Variants in IGF2R observed in about 807,000 individuals in gnomAD.
IGF2R encodes the protein cation-independent mannose-6-phosphate receptor.
In IGF2R, 91 loss-of-function variants were observed where a neutral mutation model predicts 270.6. That is an observed-to-expected ratio of 0.34 (90% confidence interval 0.28 to 0.40). The LOEUF (loss-of-function observed/expected upper bound fraction) is 0.40, where lower values mean the gene tolerates loss of function less well. Among genes scored for constraint, IGF2R ranks in the 10% least tolerant of loss-of-function variants. The pLI is 1.00. For missense variants in IGF2R, 2,805 were observed against 3,188.3 expected (o/e 0.88, Z 2.90); for synonymous variants, 1,316 against 1,258.9 (o/e 1.05, Z -0.96).
chr6:160,099,748 G>T (rs574059548), intron 45 of IGF2R, among the ~76,000 whole-genome samples: 1 of 152,324 alleles, frequency 6.6e-6, no homozygotes, highest in East Asian at 1.9e-4. Flanking sequence ...GAAGGTTGCA[G>T]TTTGAAGGAA....
chr6:160,102,198 G>A lies in IGF2R; in HGVS notation c.6843-321G>A, dbSNP rs549726155. On this transcript the variant is annotated intron_variant, in intron 45 of 47. Transcript: ENST00000356956. The surrounding 1 kb of genome is among the most constrained non-coding windows in gnomAD (Gnocchi z 4.5). ...GCCTCTGCCCCAGCCTAGTCCTGCC[G>A]TGGATTGGGCCACCTAGAGGGGGCC... Among the ~76,000 whole-genome samples, 3 of 152,328 alleles carry A rather than the reference G, an allele frequency of 2.0e-5. No individual in the cohort carries two copies. The highest frequency in any genetic ancestry group is 2.1e-4 in the South Asian group (1 of 4,828).
chr6:160,020,330 T>C (rs1180061238), intron 4 of IGF2R, among the ~76,000 whole-genome samples: 1 of 152,194 alleles, frequency 6.6e-6, no homozygotes, highest in Non-Finnish European at 1.5e-5. Context: ...ACATCCCATG[T>C]TCATGAATTG....
intron 15 of IGF2R, 53 bp downstream of exon 15, chr6:160,046,698 A>G: frequency 6.4e-7 from 1 of 1,572,486 alleles, no homozygotes; most frequent in Non-Finnish European, 8.6e-7. Context: ...GCTAAGAAAT[A>G]TTATTTTCAG....
At chr6:160,087,597 G>A (rs8191922) in intron 41 of IGF2R, among the ~76,000 whole-genome samples, 58 of 152,326 alleles carry the variant, frequency 3.8e-4, no homozygotes, top group Non-Finnish European at 6.9e-4. Context: ...AACCTTTAGG[G>A]AGCCCAAAAT....
At chr6:160,040,821 G>A in intron 11 of IGF2R, 97 bp downstream of exon 11, 1 of 1,286,138 alleles carries the variant, frequency 7.8e-7, no homozygotes, top group African/African-American at 1.5e-5. Context: ...TTCTTTGTCA[G>A]TGGGTTGCGT....
chr6:160,046,353 G>T, intron 14 of IGF2R, 145 bp from the exon 15 acceptor site: 1 of 694,956 alleles, frequency 1.4e-6, no homozygotes, highest in South Asian at 2.1e-5. Flanking sequence ...GCCTCAAGGG[G>T]CAGCGTCTCT....
chr6:160,015,941 A>G (rs138218904), intron 4 of IGF2R, among the ~76,000 whole-genome samples: 66 of 152,100 alleles, frequency 4.3e-4, no homozygotes, highest in African/African-American at 1.5e-3. Context: ...CTCCCACTTC[A>G]CCTTCTGCCG....
chr6:160,065,637 G>A (rs555188307), intron 29 of IGF2R, among the ~76,000 whole-genome samples: 1 of 151,812 alleles, frequency 6.6e-6, no homozygotes, highest in African/African-American at 2.4e-5. Flanking sequence ...TACTGGATGG[G>A]AAATGTCCTC....
At chr6:160,001,391 C>G (rs532099275) in intron 2 of IGF2R, among the ~76,000 whole-genome samples, 2 of 151,882 alleles carry the variant, frequency 1.3e-5, no homozygotes, top group African/African-American at 4.8e-5. Flanking sequence ...AAAACAAGCT[C>G]GGGGCTTCCA....
intron 38 of IGF2R, 61 bp downstream of exon 38, chr6:160,079,848 A>G (rs1778939172): frequency 7.2e-7 from 1 of 1,389,516 alleles, no homozygotes; most frequent in South Asian, 1.6e-5. Context: ...AATTAGACAT[A>G]GCAGCAGAAA....
intron 19 of IGF2R, among the ~76,000 whole-genome samples, chr6:160,056,117 T>C (rs1252166849): frequency 6.6e-6 from 1 of 152,164 alleles, no homozygotes; most frequent in African/African-American, 2.4e-5. Context: ...CATTCAACTT[T>C]TTGTGTAGGG....
chr6:160,040,782 T>C, intron 11 of IGF2R, 58 bp downstream of exon 11: 2 of 1,518,200 alleles, frequency 1.3e-6, no homozygotes, highest in Non-Finnish European at 9.0e-7. Context: ...CATTTTCCCA[T>C]GAGTACTTTT....
At chr6:160,099,770 C>T (rs1019174180) in intron 45 of IGF2R, among the ~76,000 whole-genome samples, 1 of 152,302 alleles carries the variant, frequency 6.6e-6, no homozygotes, top group South Asian at 2.1e-4. Context: ...CTGTCAGCGA[C>T]CCTATGAGGA....
chr6:160,070,227 G>A (rs1234782884), intron 31 of IGF2R, among the ~76,000 whole-genome samples, 169 bp downstream of exon 31: 1 of 152,218 alleles, frequency 6.6e-6, no homozygotes, highest in Non-Finnish European at 1.5e-5. Flanking sequence ...CCTGCAATCT[G>A]GGGAACCCTC....
intron 1 of IGF2R, among the ~76,000 whole-genome samples, chr6:159,982,083 C>T (rs990254889): frequency 3.3e-5 from 5 of 152,180 alleles, no homozygotes; most frequent in Non-Finnish European, 7.4e-5. Context: ...GCCTTCAGCT[C>T]GGGGTAGGAG....
Position 160,084,892 on chromosome 6 carries a change from G to C in IGF2R, c.6069-103G>C. 1 of 1,122,046 alleles carries C rather than the reference G, an allele frequency of 8.9e-7. No individual in the cohort carries two copies. The highest frequency in any genetic ancestry group is 1.3e-6 in the Non-Finnish European group (1 of 784,070). The allele number at this position is 1,122,046 out of a possible 1,614,324, so 69.5% of individuals were successfully genotyped here. ...ATTCAGTGATGGAATGGAGCCCTTA[G>C]TTATCAGAACCTTTCTCTGAAAGTA... On this transcript the variant is annotated intron_variant, in intron 40 of 47. Transcript: ENST00000356956. The surrounding 1 kb of genome is among the most constrained non-coding windows in gnomAD (Gnocchi z 4.6).
chr6:160,049,229 A>T (rs909101333), intron 18 of IGF2R, among the ~76,000 whole-genome samples: 2 of 152,110 alleles, frequency 1.3e-5, no homozygotes, highest in Non-Finnish European at 2.9e-5. Flanking sequence ...TGTGTTCTTT[A>T]CTGGAGCAAT....
At chr6:160,025,708 T>C (rs1180957850) in intron 5 of IGF2R, among the ~76,000 whole-genome samples, 2 of 152,204 alleles carry the variant, frequency 1.3e-5, no homozygotes, top group East Asian at 3.8e-4. Flanking sequence ...CATCTTTCTT[T>C]TGTTCTCCAA....
intron 4 of IGF2R, among the ~76,000 whole-genome samples, chr6:160,012,947 G>A (rs2115209150): frequency 6.6e-6 from 1 of 151,864 alleles, no homozygotes; most frequent in South Asian, 2.1e-4. Flanking sequence ...TCATCCTCAA[G>A]TGTCCAGTTG....
Sources: gnomAD v4.1 joint callset for allele counts (sites outside exome capture counted in the v4.1 genomes callset) on GRCh38, gnomAD v4.1.1 for gene constraint, Gnocchi (gnomAD v3.1) non-coding constraint, MANE v1.5 for transcripts, NCBI Gene and HGNC (gene_info 2026-07-23, HGNC 2026-07-21) for gene names.